Variants in ATAD3B observed in about 807,000 individuals in gnomAD.
ATAD3B encodes ATPase family AAA domain-containing protein 3B.
A neutral mutation model predicts 70.2 loss-of-function variants in ATAD3B; 59 were observed. The ratio of observed to expected loss-of-function variants is 0.84; its 90% confidence interval spans 0.68 to 1.04. The LOEUF is 1.04. Among genes scored for constraint, ATAD3B ranks in the 50% least tolerant of loss-of-function variants. The pLI is 0.00. For synonymous variants in ATAD3B, 423 were observed against 388.6 expected, an observed-to-expected ratio of 1.09 and a Z score of -1.04; for missense variants, 961 against 913.4, an observed-to-expected ratio of 1.05 and a Z score of -0.67.
At chr1:1,475,189 G>A (rs1300506230) in intron 1 of ATAD3B, among the ~76,000 whole-genome samples, 2 of 149,976 alleles carry the variant, frequency 1.3e-5, no homozygotes, top group Non-Finnish European at 3.0e-5. Flanking sequence ...GTGGAGCGGG[G>A]CCCGGGGCAG....
chr1:1,490,137 A>C (rs1570266147), intron 13 of ATAD3B, 120 bp from the exon 14 acceptor site: 1 of 1,479,094 alleles, frequency 6.8e-7, no homozygotes, highest in East Asian at 2.4e-5. Context: ...TCCTGTGCTC[A>C]CAAGCTGCCG....
At chr1:1,489,416 GC>G in intron 13 of ATAD3B, 142 bp downstream of exon 13, 1 of 1,430,966 alleles carries the variant, frequency 7.0e-7, no homozygotes, top group Non-Finnish European at 9.5e-7. Flanking sequence ...CCTGGGAACG[GC>G]CCAGCTCGGG....
chr1:1,487,638 C>A (rs1391685544), intron 11 of ATAD3B, among the ~76,000 whole-genome samples: 1 of 151,850 alleles, frequency 6.6e-6, no homozygotes. Flanking sequence ...TCTGTTGCCC[C>A]CTGTGTAGTT....
At chr1:1,475,193 G>C (rs1048848015) in intron 1 of ATAD3B, among the ~76,000 whole-genome samples, 2 of 149,884 alleles carry the variant, frequency 1.3e-5, no homozygotes, top group Non-Finnish European at 3.0e-5. Flanking sequence ...AGCGGGGCCC[G>C]GGGCAGGGTC....
chr1:1,494,963 A>G (rs1640707812), intron 15 of ATAD3B, among the ~76,000 whole-genome samples: 1 of 152,064 alleles, frequency 6.6e-6, no homozygotes, highest in South Asian at 2.1e-4. Flanking sequence ...ACCAAGGGCC[A>G]CAGCCCCAGT....
Position 1,486,609 on chromosome 1 carries a change from G to A in ATAD3B, c.1155G>A (p.Gly385=), listed in dbSNP as rs1371050806. 3 of 1,611,350 alleles carry A rather than the reference G, an allele frequency of 1.9e-6. No homozygotes were observed. In the Admixed American group the frequency reaches 5.0e-5, roughly 27 times the overall value. The part of the protein sequence containing the change: ...IMTGGDVAPM[G]REGVTAMHKL... ...CAGGCGGGGACGTGGCCCCCATGGG[G>A]CGGGAAGGCGTGACCGCCATGCACA... Residue 385 remains glycine (G), a synonymous_variant, in exon 11 of 16, where the codon GGG becomes GGA. Transcript: ENST00000673477.
intron 15 of ATAD3B, among the ~76,000 whole-genome samples, chr1:1,491,383 T>A (rs1314664779): frequency 6.6e-6 from 1 of 151,812 alleles, no homozygotes; most frequent in Non-Finnish European, 1.5e-5. Context: ...ATACAAAAAT[T>A]AGCTGAGTTT....
At chr1:1,500,718 C>T (rs1192819461), downstream of ATAD3B, among the ~76,000 whole-genome samples, 7 of 151,506 alleles carry the variant, frequency 4.6e-5, no homozygotes, top group Admixed American at 2.6e-4. Context: ...CTTTGGGAGG[C>T]CGAGGCGGGC....
Position 1,478,424 on chromosome 1 carries a change from G to A in ATAD3B, c.283-220G>A. 11 of 1,514,762 alleles carry A rather than the reference G, an allele frequency of 7.3e-6. No homozygotes were observed. In the South Asian group the frequency reaches 1.4e-4, roughly 19 times the overall value. The allele number at this position is 1,514,762 out of a possible 1,614,324, so 93.8% of individuals were successfully genotyped here. A position where few individuals can be genotyped will look rare whatever the true frequency, so the allele number is the denominator to read the frequency against. On this transcript the variant is annotated intron_variant, in intron 2 of 15. Coordinates refer to ENST00000673477, the MANE Select transcript of ATAD3B (RefSeq NM_031921.6). ...TTGGTGTCTGACCTCCCTCCCCGGG[G>A]GCCTTCGCAGGCTTCTCTGCTGGTG... is the stretch of plus-strand genomic sequence containing the variant.
chr1:1,508,490 T>A, the ATAD3B span, among the ~76,000 whole-genome samples: 1 of 151,338 alleles, frequency 6.6e-6, no homozygotes, highest in Non-Finnish European at 1.5e-5. Flanking sequence ...GCCCTGTGCT[T>A]CCTCCAGGCG....
chr1:1,508,557 C>T, the ATAD3B span, among the ~76,000 whole-genome samples: 1 of 151,444 alleles, frequency 6.6e-6, no homozygotes, highest in African/African-American at 2.5e-5. Flanking sequence ...CTGACCCTGA[C>T]CCACGGGTGA....
At chr1:1,488,722 G>A (rs1469342606) in intron 12 of ATAD3B, among the ~76,000 whole-genome samples, 1 of 151,946 alleles carries the variant, frequency 6.6e-6, no homozygotes, top group Non-Finnish European at 1.5e-5. Context: ...TCGTGCCACT[G>A]CACTCCAGAC....
the ATAD3B span, among the ~76,000 whole-genome samples, chr1:1,504,159 T>A: frequency 6.6e-6 from 1 of 151,712 alleles, no homozygotes; most frequent in East Asian, 2.0e-4. Context: ...GGCTAATTTT[T>A]GGATTTTTAG....
In ATAD3B at chr1:1,482,364, T is replaced by G. The variant is rs1570228906; in HGVS notation, c.680+61T>G. On this transcript the variant is annotated intron_variant, in intron 6 of 15. Coordinates refer to ENST00000673477, the MANE Select transcript of ATAD3B (RefSeq NM_031921.6). The stretch of plus-strand genomic sequence containing the variant: ...GAGCCCCGCAGGTGTGAGTCGCTGG[T>G]CCCAGGGCGCTCTCCAGCTCTTCCA... 4 of 1,559,808 alleles carry G rather than the reference T, an allele frequency of 2.6e-6. No homozygotes were observed. The Admixed American group carries it at 7.5e-5, about 29-fold the overall frequency.
chr1:1,476,752 C>T (rs1442863056), intron 1 of ATAD3B, among the ~76,000 whole-genome samples: 2 of 151,962 alleles, frequency 1.3e-5, no homozygotes, highest in Non-Finnish European at 2.9e-5. Context: ...TCATGATCCA[C>T]CCGCCTCAGC....
intron 1 of ATAD3B, 35 bp from the exon 2 acceptor site, chr1:1,477,239 C>T (rs773808613): frequency 5.6e-6 from 9 of 1,610,376 alleles, no homozygotes; most frequent in South Asian, 1.1e-5. Flanking sequence ...ATCCGTGTAT[C>T]CTACACCTGC....
downstream of ATAD3B, among the ~76,000 whole-genome samples, chr1:1,501,034 G>T (rs1640934464): frequency 6.6e-6 from 1 of 152,134 alleles, no homozygotes; most frequent in African/African-American, 2.4e-5. Context: ...AGGCTTGGCT[G>T]AGTGCAAACA....
At chr1:1,479,486 A>T (rs1557796714) in intron 4 of ATAD3B, among the ~76,000 whole-genome samples, 1 of 141,614 alleles carries the variant, frequency 7.1e-6, no homozygotes, top group East Asian at 2.2e-4. Context: ...CTGTGCGCAC[A>T]CACCCCTACA....
chr1:1,489,678 C>T (rs1363599090), intron 13 of ATAD3B: 2 of 1,320,412 alleles, frequency 1.5e-6, no homozygotes, highest in Non-Finnish European at 2.0e-6. Context: ...TCTTGGTCTC[C>T]TGGGCCCCTC....
Sources: allele counts gnomAD v4.1 joint callset (sites outside exome capture counted in the v4.1 genomes callset), GRCh38; gene constraint gnomAD v4.1.1; transcripts MANE v1.5; gene names NCBI Gene and HGNC (gene_info 2026-07-23, HGNC 2026-07-21).